The following PRKCE variants were observed in gnomAD, a reference collection of about 807,000 sequenced individuals.
The protein encoded by PRKCE is protein kinase C epsilon type.
In PRKCE, 16 loss-of-function variants were observed where a neutral mutation model predicts 85.4. The ratio of observed to expected loss-of-function variants is 0.19; its 90% CI spans 0.13 to 0.28. PRKCE has a LOEUF of 0.28. PRKCE is among the 10% of genes least tolerant of loss of function. PRKCE has a pLI of 1.00. For synonymous variants in PRKCE, 388 were observed against 371.5 expected (o/e 1.04, Z -0.51); for missense variants, 573 against 975.2 (o/e 0.59, Z 5.49).
rs1475873720 is a variant in PRKCE at position 46,155,464 on chromosome 2, C to A, written c.1921-4142C>A. 6.6e-6 allele frequency among the ~76,000 whole-genome samples: 1 copy of A among 152,122 alleles called. No homozygotes were observed. Among genetic ancestry groups the A allele is most frequent in the Non-Finnish European group, 1.5e-5 (1 of 68,018 alleles). ...TCTGGGTACCCTGTGCTCTCCCCTG[C>A]ACAGCACTCTCCCACTTCCCACCCT... On this transcript the variant is annotated intron_variant, in intron 13 of 14. Transcript: ENST00000306156. This position sits in a 1 kb window ranked among gnomAD's most constrained non-coding sequence, Gnocchi z 4.7.
intron 2 of PRKCE, among the ~76,000 whole-genome samples, chr2:45,865,687 T>A (rs942107880): frequency 2.0e-5 from 3 of 152,052 alleles, no homozygotes; most frequent in African/African-American, 7.2e-5. Context: ...GCTGTGCTTC[T>A]CCCCTGTGGA....
At chr2:46,149,860 CTT>C (rs35154754) in intron 12 of PRKCE, among the ~76,000 whole-genome samples, 30 of 140,616 alleles carry the variant, frequency 2.1e-4, no homozygotes, top group Admixed American at 2.1e-4. Context: ...AGAAAAGATC[CTT>C]TTTTTTTTTT....
At chr2:46,040,827 C>T (rs1160060814) in intron 10 of PRKCE, among the ~76,000 whole-genome samples, 2 of 152,164 alleles carry the variant, frequency 1.3e-5, no homozygotes, top group African/African-American at 4.8e-5. Context: ...CCTCCCTTTC[C>T]CTTAATTCTA....
intron 1 of PRKCE, among the ~76,000 whole-genome samples, chr2:45,661,514 TTGTTTTTTGTTTTTTG>T (rs1393930773): frequency 5.6e-5 from 7 of 125,240 alleles, no homozygotes; most frequent in African/African-American, 2.1e-4. Flanking sequence ...TTGTTTTGTT[TTGTTTTTTGTTTTTTG>T]TTTTTTTTTT....
At chr2:46,128,056 T>A (rs1019940437) in intron 11 of PRKCE, among the ~76,000 whole-genome samples, 1 of 152,170 alleles carries the variant, frequency 6.6e-6, no homozygotes, top group African/African-American at 2.4e-5. Flanking sequence ...CAGTGGGCAG[T>A]AAAGATAAAA....
intron 14 of PRKCE, among the ~76,000 whole-genome samples, chr2:46,161,754 TG>T (rs1677786063): frequency 1.3e-5 from 2 of 151,880 alleles, no homozygotes; most frequent in Non-Finnish European, 2.9e-5. Context: ...GGTTTTAGAG[TG>T]TGGATTCATG....
At chr2:45,816,310 A>G (rs1355704639) in intron 1 of PRKCE, among the ~76,000 whole-genome samples, 1 of 152,008 alleles carries the variant, frequency 6.6e-6, no homozygotes, top group East Asian at 1.9e-4. Flanking sequence ...GACCAGGCTG[A>G]ATGATATTTG....
intron 2 of PRKCE, among the ~76,000 whole-genome samples, chr2:45,914,965 G>C (rs755398729): frequency 6.6e-6 from 1 of 152,196 alleles, no homozygotes; most frequent in Non-Finnish European, 1.5e-5. Flanking sequence ...TTTGAGACAA[G>C]AGTCTCTGTC....
At chr2:45,661,350 T>G (rs1675631645) in intron 1 of PRKCE, among the ~76,000 whole-genome samples, 1 of 151,368 alleles carries the variant, frequency 6.6e-6, no homozygotes, top group South Asian at 2.1e-4. Flanking sequence ...ACCCGACTAA[T>G]TTCTGTATTT....
At chr2:46,078,814 A>T (rs1246972652) in intron 10 of PRKCE, 1 of 152,224 alleles carries the variant, frequency 6.6e-6, no homozygotes, top group East Asian at 1.9e-4. Context: ...TCTTTGCCCC[A>T]GTTCAGCTTT....
intron 1 of PRKCE, among the ~76,000 whole-genome samples, chr2:45,718,040 T>C (rs1288430099): frequency 6.6e-6 from 1 of 152,234 alleles, no homozygotes; most frequent in African/African-American, 2.4e-5. Flanking sequence ...TTACCAAGGT[T>C]CTCAGCTTTG....
intron 1 of PRKCE, chr2:45,698,119 G>A (rs868267581): frequency 6.6e-6 from 1 of 152,636 alleles, no homozygotes; most frequent in Non-Finnish European, 1.5e-5. Context: ...GGTGCCACAT[G>A]CGAATGTGGC....
At chr2:45,869,706 C>CTCT (rs1553436172) in intron 2 of PRKCE, among the ~76,000 whole-genome samples, 6 of 109,300 alleles carry the variant, frequency 5.5e-5, no homozygotes, top group African/African-American at 1.7e-4. Flanking sequence ...TTCTCTCTCT[C>CTCT]TTTTTTTTTT....
At chr2:45,746,364 C>T (rs757877918) in intron 1 of PRKCE, among the ~76,000 whole-genome samples, 7 of 152,230 alleles carry the variant, frequency 4.6e-5, no homozygotes, top group Non-Finnish European at 8.8e-5. Flanking sequence ...AAATCTGCTC[C>T]TCCTGCAGCC....
chr2:45,811,515 G>C (rs1034856139), intron 1 of PRKCE, among the ~76,000 whole-genome samples: 1 of 152,176 alleles, frequency 6.6e-6, no homozygotes, highest in Non-Finnish European at 1.5e-5. Context: ...AGACAAAAGA[G>C]GGAGGCTGAC....
rs185102589 is a variant in PRKCE, at chr2:45,673,819, T to C, written c.348+21371T>C. ...TAGGAGTTCATCCTTGTTCTGTCTT[T>C]AGTGAGTGACATTTATAAAGCAGTA... On this transcript the variant is annotated intron_variant, in intron 1 of 14. Coordinates refer to ENST00000306156, the MANE Select transcript of PRKCE (RefSeq NM_005400.3). Among the ~76,000 whole-genome samples the C allele has an allele frequency of 4.0e-3, 603 of 152,296 alleles. 4 individuals carry two copies. Among genetic ancestry groups the C allele is most frequent in the Non-Finnish European group, 6.6e-3 (451 of 68,034 alleles).
intron 2 of PRKCE, among the ~76,000 whole-genome samples, chr2:45,954,941 A>G (rs1700869974): frequency 6.6e-6 from 1 of 152,204 alleles, no homozygotes; most frequent in South Asian, 2.1e-4. Flanking sequence ...TATTTCATTT[A>G]ATTAATAATG....
chr2:45,853,000 T>C (rs1331565284), intron 2 of PRKCE, among the ~76,000 whole-genome samples: 1 of 152,102 alleles, frequency 6.6e-6, no homozygotes, highest in Admixed American at 6.5e-5. Context: ...CTGGAAGCCT[T>C]GAGATATTCC....
chr2:45,958,804 ATATATATATATATTTTTTTTT>A (rs1701161050), intron 2 of PRKCE, among the ~76,000 whole-genome samples: 4 of 21,384 alleles, frequency 1.9e-4, no homozygotes, highest in South Asian at 3.2e-3. Flanking sequence ...ATATATATAT[ATATATATATATATTTTTTTTT>A]TTTTTTTTTT....
Sources: gnomAD v4.1 joint callset for allele counts (sites outside exome capture counted in the v4.1 genomes callset) on GRCh38, gnomAD v4.1.1 for gene constraint, Gnocchi (gnomAD v3.1) non-coding constraint, MANE v1.5 for transcripts, NCBI Gene and HGNC (gene_info 2026-07-23, HGNC 2026-07-21) for gene names.